Variants in PPHLN1 observed in about 807,000 individuals in gnomAD.
PPHLN1 encodes the protein periphilin 1.
PPHLN1 carries 29 observed loss-of-function variants against 51.3 expected under a neutral mutation model. That is an observed-to-expected ratio of 0.57 (90% CI 0.42 to 0.77). The LOEUF is 0.77. Ranked by LOEUF, PPHLN1 falls within the 30% of genes least tolerant of loss-of-function variation. The pLI is 0.00. For synonymous variants in PPHLN1, 147 were observed against 147.8 expected, an observed-to-expected ratio of 0.99 and a Z score of 0.04; for missense variants, 436 against 438.4, an observed-to-expected ratio of 0.99 and a Z score of 0.05.
At chr12:42,420,791 TACTG>T (rs2080939646) in intron 9 of PPHLN1, among the ~76,000 whole-genome samples, 1 of 150,928 alleles carries the variant, frequency 6.6e-6, no homozygotes, top group Non-Finnish European at 1.5e-5. Flanking sequence ...TGGTACTAAA[TACTG>T]AGAAGTTTTA....
intron 9 of PPHLN1, among the ~76,000 whole-genome samples, chr12:42,426,890 T>G (rs2081547239): frequency 6.6e-6 from 1 of 152,124 alleles, no homozygotes; most frequent in African/African-American, 2.4e-5. Flanking sequence ...TCTTTGGTGG[T>G]AGATGAGCTG....
At chr12:42,415,423 G>T (rs886683990) in intron 9 of PPHLN1, among the ~76,000 whole-genome samples, 1 of 152,078 alleles carries the variant, frequency 6.6e-6, no homozygotes, top group Non-Finnish European at 1.5e-5. Context: ...CACCCGCCTC[G>T]GCCTCCCAAA....
chr12:42,386,805 T>C (rs1300187827), intron 6 of PPHLN1, among the ~76,000 whole-genome samples: 2 of 152,252 alleles, frequency 1.3e-5, no homozygotes, highest in Non-Finnish European at 2.9e-5. Context: ...ATGTATTTTC[T>C]GGCTCAAGTT....
intron 9 of PPHLN1, chr12:42,433,387 T>A: frequency 2.5e-6 from 1 of 393,952 alleles, no homozygotes; most frequent in Non-Finnish European, 4.8e-6. Flanking sequence ...CAGTGGTGCG[T>A]TCTCTGCTCA....
At chr12:42,346,721 G>T (rs1014101398) in intron 2 of PPHLN1, among the ~76,000 whole-genome samples, 1 of 152,054 alleles carries the variant, frequency 6.6e-6, no homozygotes, top group Non-Finnish European at 1.5e-5. Context: ...CAATGTATTA[G>T]GGTTCTCTTT....
chr12:42,360,487 T>TTTTTTTA (rs2074544367), intron 4 of PPHLN1, among the ~76,000 whole-genome samples: 1 of 90,272 alleles, frequency 1.1e-5, no homozygotes, highest in African/African-American at 3.6e-5. Flanking sequence ...TTTTTTTTTT[T>TTTTTTTA]GAGATGAGGT....
chr12:42,370,920 C>T (rs748422930), intron 4 of PPHLN1, among the ~76,000 whole-genome samples: 1 of 152,062 alleles, frequency 6.6e-6, no homozygotes, highest in Non-Finnish European at 1.5e-5. Flanking sequence ...ATTCTCCTGA[C>T]TTAGCCTCCC....
At chr12:42,400,912 AT>A in intron 9 of PPHLN1, among the ~76,000 whole-genome samples, 1 of 152,128 alleles carries the variant, frequency 6.6e-6, no homozygotes, top group Admixed American at 6.5e-5. Context: ...ATTAATAGAT[AT>A]TTACATCTGT....
At chr12:42,417,943 G>GTTT (rs371302578) in intron 9 of PPHLN1, among the ~76,000 whole-genome samples, 20 of 88,406 alleles carry the variant, frequency 2.3e-4, no homozygotes, top group Non-Finnish European at 3.2e-4. Context: ...TTTTTTTTTT[G>GTTT]TTTTTTTTTT....
Sources: gnomAD v4.1 joint callset for allele counts (sites outside exome capture counted in the v4.1 genomes callset) on GRCh38, gnomAD v4.1.1 for gene constraint, MANE v1.5 for transcripts, NCBI Gene and HGNC (gene_info 2026-07-23, HGNC 2026-07-21) for gene names.